ZNF44: variants seen among roughly 807,000 people sequenced by gnomAD.
ZNF44 encodes zinc finger protein 44, also known as gonadotropin inducible transcription repressor-2.
A neutral mutation model predicts 11.7 loss-of-function variants in ZNF44; 9 were observed. The ratio of observed to expected loss-of-function variants is 0.77; its 90% CI spans 0.46 to 1.35. The LOEUF (loss-of-function observed/expected upper bound fraction) is 1.35, where lower values mean the gene tolerates loss of function less well. Among genes scored for constraint, ZNF44 ranks in the 40% most tolerant of loss-of-function variants. The pLI is 0.00. For missense variants in ZNF44, 696 were observed against 743.1 expected (o/e 0.94, Z 0.74); for synonymous variants, 224 against 242.7 (o/e 0.92, Z 0.72).
rs536084781 is a variant in ZNF44 at position 12,247,964 on chromosome 19, A to T, written c.*901T>A. 3.0e-6 allele frequency: 4 copies of T among 1,350,814 alleles called. No homozygotes were observed. The Admixed American group carries it at 7.9e-5, about 27-fold the overall frequency. The allele number at this position is 1,350,814 out of a possible 1,614,324, so 83.7% of individuals were successfully genotyped here. The stretch of plus-strand genomic sequence containing the variant: ...ATTTGTAGGGTTTCTCTCCAGTATG[A>T]GTCTTTTCATGTCTTTGAGCAGAGT... On this transcript the variant is annotated 3_prime_UTR_variant and NMD_transcript_variant, in exon 8 of 8. Coordinates refer to the ZNF44 transcript ENST00000393337.
intron 5 of ZNF44, among the ~76,000 whole-genome samples, chr19:12,262,879 A>T (rs2438538): frequency 1 from 152,262 of 152,288 alleles, 76,118 homozygotes; most frequent in Non-Finnish European, 1. Context: ...GAAAAAGGAA[A>T]CCAAAGGAAA....
At position 12,273,986 on chromosome 19, in the gene ZNF44, C is replaced by T; in HGVS notation, c.269G>A (p.Ser90Asn). The change falls in exon 4 of 4, where the codon AGT (serine) becomes AAT (asparagine). Residue 90 changes from serine (S) to asparagine (N), a missense_variant. Transcript: ENST00000355684. ...CGETLSQIRN[S>N]IVNKNTPARV... The stretch of plus-strand genomic sequence containing the variant: ...GGCGGGAGTGTTCTTGTTTACAATA[C>T]TATTTCGAATCTGGCTTAAGGTTTC... 6.2e-7 allele frequency: 1 copy of T among 1,614,086 alleles called. No individual in the cohort carries two copies. Among genetic ancestry groups the T allele is most frequent in the Admixed American group, 1.7e-5 (1 of 60,004 alleles).
intron 1 of ZNF44, among the ~76,000 whole-genome samples, chr19:12,289,347 A>AT (rs1264816000): frequency 3.3e-5 from 5 of 152,042 alleles, no homozygotes; most frequent in Admixed American, 6.6e-5. Context: ...AAAGGAAACT[A>AT]TTTAAGTTTC....
At chr19:12,291,215 C>T in intron 1 of ZNF44, 2 of 453,058 alleles carry the variant, frequency 4.4e-6, no homozygotes, top group Middle Eastern at 3.3e-4. Flanking sequence ...ATAACAGGAA[C>T]AGACCAGACT....
At chr19:12,266,245 C>T (rs1917722755) in intron 5 of ZNF44, 3 of 985,186 alleles carry the variant, frequency 3.0e-6, no homozygotes, top group Admixed American at 6.2e-5. Flanking sequence ...CCTCCTCCCG[C>T]GTGTCGGGAC....
rs756880623 is a variant in ZNF44, at chr19:12,274,050, C to G, written c.205G>C (p.Glu69Gln). The stretch of plus-strand genomic sequence containing the variant: ...CCATCTTTACTTTTACCAAATCTCT[C>G]TACCACATCACACCTGTAAAAAATG... ...LRRNPRCDVV[E>Q]RFGKSKDGSQ... Residue 69 changes from glutamate (E) to glutamine (Q), a missense_variant, in exon 4 of 4, where the codon GAG (glutamate) becomes CAG (glutamine). Coordinates refer to ENST00000355684, the MANE Select transcript of ZNF44 (RefSeq NM_016264.4). 6.2e-7 allele frequency: 1 copy of G among 1,611,080 alleles called. No homozygotes were observed. Among genetic ancestry groups the G allele is most frequent in the Admixed American group, 1.7e-5 (1 of 59,840 alleles).
At chr19:12,241,229 TAAAAC>T, upstream of ZNF44, among the ~76,000 whole-genome samples, 1 of 152,292 alleles carries the variant, frequency 6.6e-6, no homozygotes, top group South Asian at 2.1e-4. Context: ...GGCTGCCATT[TAAAAC>T]AAAAAGTAGA....
rs2145719762 is a variant in ZNF44 at position 12,272,192 on chromosome 19, G to A, written c.*215C>T. 1.6e-6 allele frequency: 1 copy of A among 639,590 alleles called. No homozygotes were observed. The highest frequency in any genetic ancestry group is 2.2e-6 in the Non-Finnish European group (1 of 450,196). The allele number at this position is 639,590 out of a possible 1,614,324, so 39.6% of individuals were successfully genotyped here. ...TTTTTTTTTCCGTATTTTTAGTAGA[G>A]ACAGGGTTTCCCATGTTAGCCAGGC... On this transcript the variant is annotated 3_prime_UTR_variant, in exon 4 of 4. Coordinates refer to ENST00000355684, the MANE Select transcript of ZNF44 (RefSeq NM_016264.4).
intron 5 of ZNF44, among the ~76,000 whole-genome samples, chr19:12,264,737 C>A (rs1036424541): frequency 6.6e-6 from 1 of 151,978 alleles, no homozygotes; most frequent in Non-Finnish European, 1.5e-5. Flanking sequence ...ACTCTGTCAC[C>A]CAGGTTGGAG....
intron 1 of ZNF44, among the ~76,000 whole-genome samples, chr19:12,278,943 G>A (rs1191996952): frequency 6.6e-6 from 1 of 152,192 alleles, no homozygotes; most frequent in Non-Finnish European, 1.5e-5. Context: ...AACAGAAAGA[G>A]AAGGCTACAG....
chr19:12,263,369 A>C (rs1382530950), intron 5 of ZNF44, among the ~76,000 whole-genome samples: 1 of 151,994 alleles, frequency 6.6e-6, no homozygotes, highest in Non-Finnish European at 1.5e-5. Context: ...TACAGGCATG[A>C]GCCACCATGC....
At chr19:12,248,523 G>A (rs1398223688) in exon 8 of ZNF44, 1 of 1,290,764 alleles carries the variant, frequency 7.7e-7, no homozygotes, top group African/African-American at 1.5e-5. Flanking sequence ...GTTAAGGGAT[G>A]AATGATGGCT....
intron 1 of ZNF44, among the ~76,000 whole-genome samples, chr19:12,282,981 G>T (rs547545682): frequency 6.6e-6 from 1 of 152,090 alleles, no homozygotes; most frequent in Non-Finnish European, 1.5e-5. Context: ...TGACAATTCC[G>T]GTATGAATAG....
chr19:12,293,289 C>T (rs912178291), intron 1 of ZNF44: 7 of 1,536,836 alleles, frequency 4.6e-6, no homozygotes, highest in Non-Finnish European at 5.2e-6. Flanking sequence ...GAAGAGTGAC[C>T]CAAGGGCCGA....
chr19:12,285,004 G>A (rs1967669514), intron 1 of ZNF44: 1 of 708,806 alleles, frequency 1.4e-6, no homozygotes, highest in Non-Finnish European at 2.5e-6. Flanking sequence ...GCCATCCTGG[G>A]CAACTTCGCC....
chr19:12,288,831 G>A (rs1313761090), intron 1 of ZNF44, among the ~76,000 whole-genome samples: 2 of 128,840 alleles, frequency 1.6e-5, no homozygotes, highest in Non-Finnish European at 3.1e-5. Flanking sequence ...CCACCACCAT[G>A]CCCAGTTCTT....
At position 12,279,864 on chromosome 19, in the gene ZNF44, T is replaced by TA. The variant is rs60621062; in HGVS notation, c.4-3783dup. On this transcript the variant is annotated intron_variant, in intron 1 of 3. Transcript: ENST00000355684. ...ACAATTGAAATTACCTGGTCTGAGT[T>TA]AAAAAAAAAAAGAAGTTCATCAGAA... 4.3e-3 allele frequency among the ~76,000 whole-genome samples: 517 copies of TA among 121,286 alleles called. 10 individuals carry two copies. The highest frequency in any genetic ancestry group is 0.017 in the Middle Eastern group (4 of 238). 79.6% of individuals were successfully genotyped at this position (121,286 alleles called of 152,430 possible).
upstream of ZNF44, chr19:12,237,824 C>A (rs1358789598): frequency 6.6e-6 from 1 of 150,614 alleles, no homozygotes; most frequent in Non-Finnish European, 1.5e-5. Context: ...TGACCCCACA[C>A]TGGGGACATT....
Position 12,273,520 on chromosome 19 carries a change from T to G in ZNF44, c.735A>C (p.Lys245Asn). The change falls in exon 4 of 4, where the codon AAA becomes AAC. Residue 245 changes from lysine (K) to asparagine (N), a missense_variant. Transcript: ENST00000355684. ...CATACGGTTTCTCCCCAGTGTGTAT[T>G]TTTTCATGTCTTAGATAGGAACTGT... ...PVYSSYLRHE[K>N]IHTGEKPYEC... 1 of 1,614,124 alleles carries G rather than the reference T, an allele frequency of 6.2e-7. No individual in the cohort carries two copies. Among genetic ancestry groups the G allele is most frequent in the Non-Finnish European group, 8.5e-7 (1 of 1,180,026 alleles).
Sources: allele counts gnomAD v4.1 joint callset (sites outside exome capture counted in the v4.1 genomes callset), GRCh38; gene constraint gnomAD v4.1.1; transcripts MANE v1.5; gene names NCBI Gene and HGNC (gene_info 2026-07-23, HGNC 2026-07-21).